Variants in PARD3B observed in about 807,000 individuals in gnomAD.
PARD3B encodes the protein partitioning defective 3 homolog B.
PARD3B carries 103 observed loss-of-function variants against 130.2 expected under a neutral mutation model. The ratio of observed to expected loss-of-function variants is 0.79; its 90% CI spans 0.67 to 0.93. The LOEUF is 0.93. PARD3B is among the 40% of genes least tolerant of loss of function. PARD3B has a pLI of 0.00. For missense variants in PARD3B, 1,609 were observed against 1,499.2 expected (o/e 1.07, Z -1.21); for synonymous variants, 583 against 553.2 (o/e 1.05, Z -0.76).
At chr2:205,237,802 A>G (rs955006685) in intron 15 of PARD3B, among the ~76,000 whole-genome samples, 1 of 152,162 alleles carries the variant, frequency 6.6e-6, no homozygotes, top group East Asian at 1.9e-4. Context: ...CTACATTTCT[A>G]AAGTTCATTA....
intron 20 of PARD3B, among the ~76,000 whole-genome samples, chr2:205,477,423 A>T (rs1461153522): frequency 1.3e-5 from 2 of 152,152 alleles, no homozygotes; most frequent in African/African-American, 4.8e-5. Context: ...AACTGTACAA[A>T]TCCTCCTTTG....
In PARD3B at chr2:205,550,933, G is replaced by GTATATATATA. The variant is rs1291242821; in HGVS notation, c.3181-2390_3181-2389insATATATATAT. Among the ~76,000 whole-genome samples, 51 of 115,522 alleles carry GTATATATATA rather than the reference G, an allele frequency of 4.4e-4. No individual in the cohort carries two copies. The highest frequency in any genetic ancestry group is 5.4e-4 in the Non-Finnish European group (30 of 56,004). 75.8% of individuals were successfully genotyped at this position (115,522 alleles called of 152,430 possible). ...TAAATACATATAATTATGTGTGTGT[G>GTATATATATA]TGTGTGTGTATATATATATGTGTAT... is the stretch of plus-strand genomic sequence containing the variant. On this transcript the variant is annotated intron_variant, in intron 21 of 22. Transcript: ENST00000406610. The surrounding 1 kb of genome is among the most constrained non-coding windows in gnomAD (Gnocchi z 4.5).
chr2:205,451,519 A>G (rs1318852260), intron 20 of PARD3B, among the ~76,000 whole-genome samples: 1 of 152,134 alleles, frequency 6.6e-6, no homozygotes, highest in Non-Finnish European at 1.5e-5. Flanking sequence ...ATAATGCAAA[A>G]GTTATAGATT....
intron 20 of PARD3B, among the ~76,000 whole-genome samples, chr2:205,468,567 A>C (rs1014971845): frequency 2.6e-5 from 4 of 152,192 alleles, no homozygotes; most frequent in African/African-American, 9.6e-5. Flanking sequence ...TCATTGCTCA[A>C]GCCAGAATCT....
At chr2:205,286,203 G>A (rs774378201) in intron 16 of PARD3B, among the ~76,000 whole-genome samples, 14 of 151,998 alleles carry the variant, frequency 9.2e-5, no homozygotes, top group Non-Finnish European at 1.9e-4. Context: ...TATGAGACTG[G>A]CATCCCTGTT....
At chr2:204,747,014 G>A (rs1400468961) in intron 2 of PARD3B, among the ~76,000 whole-genome samples, 1 of 152,080 alleles carries the variant, frequency 6.6e-6, no homozygotes, top group Non-Finnish European at 1.5e-5. Context: ...GGCTTTTGTT[G>A]CCATTGCTTT....
Position 205,244,499 on chromosome 2 carries a change from ATTAG to A in PARD3B, c.2141-1273_2141-1270del, listed in dbSNP as rs1224808393. Among the ~76,000 whole-genome samples, 1 of 152,190 alleles carries A rather than the reference ATTAG, an allele frequency of 6.6e-6. No individual in the cohort carries two copies. The highest frequency in any genetic ancestry group is 1.5e-5 in the Non-Finnish European group (1 of 68,026). On this transcript the variant is annotated intron_variant, in intron 15 of 22. Coordinates refer to ENST00000406610, the MANE Select transcript of PARD3B (RefSeq NM_001302769.2). This position sits in a 1 kb window ranked among gnomAD's most constrained non-coding sequence, Gnocchi z 4.7. ...TTTTCATATCATGTATTTTTCTGATATTAGTTAGTATCTGGGTAACACTAGCCTC... is the reference window on the plus strand; with the variant it reads ...TTTTCATATCATGTATTTTTCTGATATTAGTATCTGGGTAACACTAGCCTC...
intron 3 of PARD3B, among the ~76,000 whole-genome samples, chr2:204,998,358 A>ATATATACATATATATATATATATATATG (rs1400529301): frequency 2.9e-5 from 2 of 69,874 alleles, no homozygotes; most frequent in Non-Finnish European, 5.2e-5. Flanking sequence ...ATATATATAT[A>ATATATACATATATATATATATATATATG]TGTGTGTGTG....
chr2:205,615,527 C>T lies in PARD3B; in HGVS notation c.3332C>T (p.Pro1111Leu), dbSNP rs753029618. 191 of 1,613,964 alleles carry T rather than the reference C, an allele frequency of 1.2e-4. 1 individual carries two copies. In the Admixed American group the frequency reaches 2.3e-3, roughly 20 times the overall value. The part of the protein sequence containing the change: ...PRGLYKEREL[P>L]YYPGAHPMHP... ...GGGCTCTACAAGGAAAGGGAGCTTCCCTATTATCCAGGGGCTCATCCTATG... is the reference window on the plus strand; with the variant it reads ...GGGCTCTACAAGGAAAGGGAGCTTCTCTATTATCCAGGGGCTCATCCTATG... The change falls in exon 23 of 23, where the codon CCC (proline) becomes CTC (leucine). Residue 1111 changes from proline (P) to leucine (L), a missense_variant. By Grantham distance (98) the Pro-to-Leu change is moderately conservative. Coordinates refer to ENST00000406610, the MANE Select transcript of PARD3B (RefSeq NM_001302769.2).
chr2:205,264,580 T>C (rs536110461), intron 16 of PARD3B, among the ~76,000 whole-genome samples: 2 of 151,256 alleles, frequency 1.3e-5, no homozygotes, highest in Admixed American at 6.6e-5. Flanking sequence ...CATGAGAACA[T>C]AGAAGTCATA....
chr2:204,717,239 T>C (rs574225269), intron 2 of PARD3B, among the ~76,000 whole-genome samples: 1 of 152,328 alleles, frequency 6.6e-6, no homozygotes, highest in South Asian at 2.1e-4. Context: ...AACCTGAGAC[T>C]TGGGTACTCA....
chr2:205,021,537 A>T lies in PARD3B; in HGVS notation c.395-26044A>T, dbSNP rs1294180694. Among the ~76,000 whole-genome samples, 1 of 151,870 alleles carries T rather than the reference A, an allele frequency of 6.6e-6. No homozygotes were observed. Among genetic ancestry groups the T allele is most frequent in the African/African-American group, 2.4e-5 (1 of 41,322 alleles). On this transcript the variant is annotated intron_variant, in intron 3 of 22. Coordinates refer to ENST00000406610, the MANE Select transcript of PARD3B (RefSeq NM_001302769.2). The surrounding 1 kb of genome is among the most constrained non-coding windows in gnomAD (Gnocchi z 4.5). Reference sequence around the variant, plus strand: ...AACCAGAGTATATTGCAGTTTCACAAGCAGGAGGTAATAGCATTTATTGAG... The same window carrying T: ...AACCAGAGTATATTGCAGTTTCACATGCAGGAGGTAATAGCATTTATTGAG...
At chr2:204,601,539 T>C (rs903825067) in intron 1 of PARD3B, among the ~76,000 whole-genome samples, 4 of 152,028 alleles carry the variant, frequency 2.6e-5, no homozygotes, top group Non-Finnish European at 5.9e-5. Context: ...GCAAATGATA[T>C]TTTTAAAATA....
chr2:204,997,071 G>A (rs376131888), intron 3 of PARD3B, among the ~76,000 whole-genome samples: 8 of 152,230 alleles, frequency 5.3e-5, no homozygotes, highest in South Asian at 2.1e-4. Context: ...GCTGTAGACC[G>A]GAGCTGTTCC....
At chr2:205,008,221 GA>G (rs1387983291) in intron 3 of PARD3B, among the ~76,000 whole-genome samples, 6 of 151,956 alleles carry the variant, frequency 3.9e-5, no homozygotes, top group African/African-American at 9.7e-5. Flanking sequence ...TGTTTTTCTG[GA>G]AGTTGAGCTT....
chr2:205,455,474 A>C (rs965086401), intron 20 of PARD3B, among the ~76,000 whole-genome samples: 1 of 144,924 alleles, frequency 6.9e-6, no homozygotes, highest in Non-Finnish European at 1.5e-5. Context: ...ATTGCGATTC[A>C]TTCCCTGTTA....
chr2:205,223,204 T>C (rs2038338489), intron 15 of PARD3B, among the ~76,000 whole-genome samples: 1 of 152,030 alleles, frequency 6.6e-6, no homozygotes, highest in African/African-American at 2.4e-5. Context: ...GAATAGAGGA[T>C]AATATAATGG....
intron 20 of PARD3B, among the ~76,000 whole-genome samples, chr2:205,450,879 T>C (rs2048077088): frequency 6.6e-6 from 1 of 152,174 alleles, no homozygotes; most frequent in African/African-American, 2.4e-5. Flanking sequence ...AAACCATAAC[T>C]CATTAGATAT....
chr2:205,012,642 C>T (rs1695808487), intron 3 of PARD3B, among the ~76,000 whole-genome samples: 1 of 152,236 alleles, frequency 6.6e-6, no homozygotes. Context: ...GTACCACTCA[C>T]AGCAAACACT....
Sources: gnomAD v4.1 joint callset for allele counts (sites outside exome capture counted in the v4.1 genomes callset) on GRCh38, gnomAD v4.1.1 for gene constraint, Gnocchi (gnomAD v3.1) non-coding constraint, MANE v1.5 for transcripts, NCBI Gene and HGNC (gene_info 2026-07-23, HGNC 2026-07-21) for gene names.